Variants in CADM2 observed in about 807,000 individuals in gnomAD.
The protein encoded by CADM2 is cell adhesion molecule 2, also known as immunoglobulin superfamily member 4D.
Under a neutral mutation model 49.8 loss-of-function variants are expected in CADM2, and 12 were observed. The observed-to-expected ratio is 0.24, with a 90% CI of 0.15 to 0.39. The LOEUF is 0.39. Ranked by LOEUF, CADM2 falls within the 10% of genes least tolerant of loss-of-function variation. The pLI is 1.00. For missense variants in CADM2, 378 were observed against 492.3 expected (o/e 0.77, Z 2.20); for synonymous variants, 214 against 175.4 (o/e 1.22, Z -1.74).
intron 1 of CADM2, among the ~76,000 whole-genome samples, chr3:84,974,838 TTA>T (rs1304023404): frequency 6.6e-6 from 1 of 151,980 alleles, no homozygotes; most frequent in African/African-American, 2.4e-5. Context: ...AAATTTTTTA[TTA>T]TGTTTTTTAA....
chr3:85,978,418 C>G lies in CADM2; in HGVS notation c.970+16771C>G, dbSNP rs1375784276. On this transcript the variant is annotated intron_variant, in intron 8 of 9. Coordinates refer to ENST00000383699, the MANE Select transcript of CADM2 (RefSeq NM_001167675.2). ...CACTTCAAGTATATGTTCAGTAACC[C>G]CTCCTAGGTATGCCGTATTAAAATA... is the stretch of plus-strand genomic sequence containing the variant. 2.0e-5 allele frequency among the ~76,000 whole-genome samples: 3 copies of G among 151,498 alleles called. No individual in the cohort carries two copies. The East Asian group carries it at 5.8e-4, about 30-fold the overall frequency.
At chr3:85,505,188 C>A (rs962941378) in intron 1 of CADM2, among the ~76,000 whole-genome samples, 2 of 152,234 alleles carry the variant, frequency 1.3e-5, no homozygotes. Context: ...GCAGAGGAGG[C>A]GCCGAGAGCG....
At chr3:85,693,109 C>T (rs926886074) in intron 1 of CADM2, among the ~76,000 whole-genome samples, 56 of 151,956 alleles carry the variant, frequency 3.7e-4, no homozygotes, top group African/African-American at 1.3e-3. Flanking sequence ...ATTAGCCGGG[C>T]GTGGTGGCAT....
In CADM2 at chr3:85,979,073, A is replaced by G. The variant is rs1481238343; in HGVS notation, c.970+17426A>G. On this transcript the variant is annotated intron_variant, in intron 8 of 9. Transcript: ENST00000383699. ...TAAAGCTTGTTAAAGTTAAACCTCAATAAGTTATATGTATTTATAATTTGA... is the reference window on the plus strand; with the variant it reads ...TAAAGCTTGTTAAAGTTAAACCTCAGTAAGTTATATGTATTTATAATTTGA... 8.5e-6 allele frequency: 12 copies of G among 1,404,522 alleles called. No homozygotes were observed. In the South Asian group the frequency reaches 9.3e-5, roughly 11 times the overall value. The allele number at this position is 1,404,522 out of a possible 1,614,324, so 87.0% of individuals were successfully genotyped here.
At chr3:85,448,309 G>A (rs1029928269) in intron 1 of CADM2, among the ~76,000 whole-genome samples, 11 of 140,338 alleles carry the variant, frequency 7.8e-5, no homozygotes, top group African/African-American at 3.0e-4. Flanking sequence ...CTCCAGCCTG[G>A]GCGACAGAGC....
chr3:85,716,526 A>G lies in CADM2; in HGVS notation c.62-9996A>G, dbSNP rs949045298. Among the ~76,000 whole-genome samples the G allele has an allele frequency of 3.3e-5, 5 of 152,068 alleles. No homozygotes were observed. The South Asian group carries it at 6.2e-4, about 19-fold the overall frequency. The stretch of plus-strand genomic sequence containing the variant: ...TCATTTACTTAGATCCCATTTGTCA[A>G]TGTTGTCTTTTGTGGCAATTGTTTC... On this transcript the variant is annotated intron_variant, in intron 1 of 9. Coordinates refer to ENST00000383699, the MANE Select transcript of CADM2 (RefSeq NM_001167675.2).
Position 85,661,377 on chromosome 3 carries a change from G to A in CADM2, c.62-65145G>A, listed in dbSNP as rs145996204. On this transcript the variant is annotated intron_variant, in intron 1 of 9. Transcript: ENST00000383699. The stretch of plus-strand genomic sequence containing the variant: ...TTTGGGAGTAAATGAGATCATGTGG[G>A]ACTTTCCAGTTTAAATTAAGTAGTT... Among the ~76,000 whole-genome samples the A allele has an allele frequency of 3.0e-3, 323 of 106,882 alleles. 1 individual carries two copies. Among genetic ancestry groups the A allele is most frequent in the African/African-American group, 9.7e-3 (284 of 29,430 alleles). The allele number at this position is 106,882 out of a possible 152,430, so 70.1% of individuals were successfully genotyped here. A position where few individuals can be genotyped will look rare whatever the true frequency, so the allele number is the denominator to read the frequency against.
chr3:85,013,014 T>C (rs1392967550), intron 1 of CADM2, among the ~76,000 whole-genome samples: 1 of 151,894 alleles, frequency 6.6e-6, no homozygotes, highest in East Asian at 1.9e-4. Context: ...CCTGAAGTCT[T>C]TTTTAAGCAT....
chr3:85,092,475 C>T (rs939241321), intron 1 of CADM2, among the ~76,000 whole-genome samples: 2 of 152,100 alleles, frequency 1.3e-5, no homozygotes, highest in Non-Finnish European at 2.9e-5. Context: ...CAACCTCATC[C>T]TCAGCATTTA....
At chr3:85,511,077 A>G (rs2040594996) in intron 1 of CADM2, among the ~76,000 whole-genome samples, 2 of 152,036 alleles carry the variant, frequency 1.3e-5, no homozygotes, top group South Asian at 4.1e-4. Flanking sequence ...CACACGTTAG[A>G]CCTTTCGAAT....
At chr3:85,082,905 G>T (rs2037224342) in intron 1 of CADM2, among the ~76,000 whole-genome samples, 1 of 152,004 alleles carries the variant, frequency 6.6e-6, no homozygotes, top group Admixed American at 6.6e-5. Flanking sequence ...ATCCAACTGA[G>T]TGCATATGTC....
At chr3:86,060,583 C>G (rs1738512772) in intron 8 of CADM2, among the ~76,000 whole-genome samples, 1 of 152,148 alleles carries the variant, frequency 6.6e-6, no homozygotes, top group Non-Finnish European at 1.5e-5. Context: ...GAGACAGGAA[C>G]TCTGTGTTCC....
chr3:84,984,382 A>G (rs980599652), intron 1 of CADM2, among the ~76,000 whole-genome samples: 2 of 139,198 alleles, frequency 1.4e-5, no homozygotes, highest in Non-Finnish European at 3.2e-5. Flanking sequence ...AAAAAAAAAA[A>G]AAACACTTGA....
intron 6 of CADM2, among the ~76,000 whole-genome samples, chr3:85,916,140 T>G (rs1304512816): frequency 6.6e-6 from 1 of 152,156 alleles, no homozygotes; most frequent in African/African-American, 2.4e-5. Flanking sequence ...AATCATACAT[T>G]TAAATACTGC....
chr3:85,062,890 T>G (rs1028068935), intron 1 of CADM2, among the ~76,000 whole-genome samples: 1 of 151,794 alleles, frequency 6.6e-6, no homozygotes, highest in Non-Finnish European at 1.5e-5. Flanking sequence ...AATTACCGTC[T>G]TTATTTTTCA....
At chr3:86,024,619 A>G (rs1733647668) in intron 8 of CADM2, among the ~76,000 whole-genome samples, 1 of 152,182 alleles carries the variant, frequency 6.6e-6, no homozygotes, top group Non-Finnish European at 1.5e-5. Flanking sequence ...TGTAAATGAT[A>G]CATCTATAAA....
At chr3:85,835,182 G>A (rs374578695) in intron 3 of CADM2, among the ~76,000 whole-genome samples, 1 of 151,474 alleles carries the variant, frequency 6.6e-6, no homozygotes, top group African/African-American at 2.4e-5. Flanking sequence ...ATTTTTGCTA[G>A]GGTTGCCTTT....
At chr3:85,227,367 A>G (rs1404607131) in intron 1 of CADM2, among the ~76,000 whole-genome samples, 1 of 150,120 alleles carries the variant, frequency 6.7e-6, no homozygotes, top group Non-Finnish European at 1.5e-5. Flanking sequence ...TGATTCCTTT[A>G]CCATTATGTA....
intron 1 of CADM2, among the ~76,000 whole-genome samples, chr3:85,515,703 T>C (rs910585468): frequency 2.7e-5 from 4 of 149,914 alleles, no homozygotes; most frequent in African/African-American, 9.8e-5. Context: ...GACCTCGAAC[T>C]CCTGACCTCG....
Sources: allele counts gnomAD v4.1 joint callset (sites outside exome capture counted in the v4.1 genomes callset), GRCh38; gene constraint gnomAD v4.1.1; transcripts MANE v1.5; gene names NCBI Gene and HGNC (gene_info 2026-07-23, HGNC 2026-07-21).